Variants in DCAF6 observed in about 807,000 individuals in gnomAD.
DCAF6 encodes the protein DDB1 and CUL4 associated factor 6.
DCAF6 carries 54 observed loss-of-function variants against 125.1 expected under a neutral mutation model. That is an observed-to-expected ratio of 0.43 (90% CI 0.35 to 0.54). The LOEUF is 0.54. Among genes scored for constraint, DCAF6 ranks in the 20% least tolerant of loss-of-function variants. The pLI, the probability that DCAF6 is intolerant of heterozygous loss-of-function variation, is 0.01. For missense variants in DCAF6, 934 were observed against 1,161.7 expected (o/e 0.80, Z 2.85); for synonymous variants, 371 against 390.4 (o/e 0.95, Z 0.58).
At chr1:167,981,886 A>G (rs1679218195) in intron 4 of DCAF6, among the ~76,000 whole-genome samples, 1 of 152,234 alleles carries the variant, frequency 6.6e-6, no homozygotes. Context: ...TCTTTTGGAT[A>G]TATACCCAGG....
At chr1:168,032,134 T>C (rs1355244878) in intron 12 of DCAF6, among the ~76,000 whole-genome samples, 1 of 152,236 alleles carries the variant, frequency 6.6e-6, no homozygotes, top group East Asian at 1.9e-4. Flanking sequence ...TTTGACTGAA[T>C]GTTAAAAAGA....
chr1:168,048,044 G>A (rs1689365021), intron 16 of DCAF6, among the ~76,000 whole-genome samples: 1 of 152,082 alleles, frequency 6.6e-6, no homozygotes, highest in Non-Finnish European at 1.5e-5. Flanking sequence ...GAAAGTTTAA[G>A]AGATTTTGCT....
the DCAF6 span, among the ~76,000 whole-genome samples, chr1:167,925,454 T>TATATATATATATATATATACATATAC: frequency 9.6e-5 from 11 of 114,706 alleles, no homozygotes; most frequent in African/African-American, 2.5e-4. Context: ...TATATATATA[T>TATATATATATATATATATACATATAC]ATATATATAT....
chr1:167,924,668 T>G, the DCAF6 span: 1 of 605,862 alleles, frequency 1.7e-6, no homozygotes, highest in Non-Finnish European at 2.8e-6. Context: ...ACTATGCTTT[T>G]TGCATACTTT....
At position 168,045,155 on chromosome 1, in the gene DCAF6, A is replaced by C. The variant is rs765176243; in HGVS notation, c.2186A>C (p.Gln729Pro). 6 of 1,614,016 alleles carry C rather than the reference A, an allele frequency of 3.7e-6. No individual in the cohort carries two copies. Among genetic ancestry groups the C allele is most frequent in the Non-Finnish European group, 5.1e-6 (6 of 1,179,930 alleles). The change falls in exon 16 of 22, where the codon CAG becomes CCG. Residue 729 changes from glutamine to proline, a missense_variant. This residue lies in a region of DCAF6 where 559 missense variants were observed against 635.5 expected (regional missense o/e 0.88). Transcript: ENST00000367840. ...ACATCCACCAGGGACTCTGCTCTTCAGGACACAGATGACAGTGATGATGAC... is the reference window on the plus strand; with the variant it reads ...ACATCCACCAGGGACTCTGCTCTTCCGGACACAGATGACAGTGATGATGAC... ...EETSTRDSAL[Q>P]DTDDSDDDPV...
intron 3 of DCAF6, among the ~76,000 whole-genome samples, chr1:167,968,218 A>C (rs540919971): frequency 1.3e-5 from 2 of 152,222 alleles, no homozygotes; most frequent in Non-Finnish European, 2.9e-5. Flanking sequence ...ATTACTACCT[A>C]TATCAGGAGA....
At chr1:168,013,026 G>T (rs1272345234) in intron 10 of DCAF6, among the ~76,000 whole-genome samples, 2 of 152,112 alleles carry the variant, frequency 1.3e-5, no homozygotes, top group Non-Finnish European at 1.5e-5. Context: ...AGCAAAATTT[G>T]ACATATATGG....
chr1:167,903,915 G>A, the DCAF6 span: 1 of 1,613,414 alleles, frequency 6.2e-7, no homozygotes, highest in Non-Finnish European at 8.5e-7. Context: ...TGTGGTAGTT[G>A]AGGATCTCCA....
At position 168,044,556 on chromosome 1, in the gene DCAF6, G is replaced by A. The variant is rs189677945; in HGVS notation, c.1844-29G>A. Reference sequence around the variant, plus strand: ...AGAACTAATCCCTCATGGATACCAAGGGATGACTGTAATTTGGTTTACTTA... The same window carrying A: ...AGAACTAATCCCTCATGGATACCAAAGGATGACTGTAATTTGGTTTACTTA... On this transcript the variant is annotated intron_variant, in intron 14 of 21. Transcript: ENST00000367840. 8 of 1,532,496 alleles carry A rather than the reference G, an allele frequency of 5.2e-6. No individual in the cohort carries two copies. In the Admixed American group the frequency reaches 1.2e-4, roughly 23 times the overall value. The allele number at this position is 1,532,496 out of a possible 1,614,324, so 94.9% of individuals were successfully genotyped here.
At chr1:168,048,947 T>C (rs996230500) in intron 16 of DCAF6, among the ~76,000 whole-genome samples, 1 of 152,228 alleles carries the variant, frequency 6.6e-6, no homozygotes, top group Non-Finnish European at 1.5e-5. Flanking sequence ...GAAATCAAAC[T>C]ATAGTCTGTG....
intron 14 of DCAF6, 139 bp from the exon 15 acceptor site, chr1:168,044,446 G>T: frequency 1.5e-6 from 1 of 651,974 alleles, no homozygotes; most frequent in East Asian, 2.6e-5. Context: ...TATAAGGAAG[G>T]GTATGCATAG....
At chr1:167,931,935 ATTTAGAC>A (rs1670923694), upstream of DCAF6, among the ~76,000 whole-genome samples, 1 of 152,322 alleles carries the variant, frequency 6.6e-6, no homozygotes, top group East Asian at 1.9e-4. Flanking sequence ...TATTATTCTT[ATTTAGAC>A]TTTAAAGTAA....
chr1:167,986,545 A>G (rs995881793), intron 4 of DCAF6, among the ~76,000 whole-genome samples: 2 of 152,166 alleles, frequency 1.3e-5, no homozygotes, highest in South Asian at 2.1e-4. Context: ...ACAGGAGACA[A>G]TTTTTCCATG....
intron 17 of DCAF6, among the ~76,000 whole-genome samples, chr1:168,051,815 A>G (rs1394895076): frequency 6.6e-6 from 1 of 151,826 alleles, no homozygotes. Context: ...TGTTGTTTCT[A>G]GCCTGTTTTA....
intron 18 of DCAF6, 67 bp from the exon 19 acceptor site, chr1:168,065,523 G>C: frequency 9.1e-7 from 1 of 1,097,878 alleles, no homozygotes; most frequent in Non-Finnish European, 1.3e-6. Flanking sequence ...AAAAATGTAA[G>C]AGTAGCATAA....
chr1:168,014,623 C>A (rs929600802), intron 10 of DCAF6, among the ~76,000 whole-genome samples: 1 of 152,174 alleles, frequency 6.6e-6, no homozygotes, highest in Non-Finnish European at 1.5e-5. Context: ...TGTTCCCTGC[C>A]GTAATAAATT....
At chr1:167,886,923 C>T in the DCAF6 span, among the ~76,000 whole-genome samples, 43,293 of 152,152 alleles carry the variant, frequency 0.28, 6,302 homozygotes, top group Middle Eastern at 0.4. Flanking sequence ...GACATTTATG[C>T]AGCCAACAGA....
chr1:167,968,534 G>A (rs566024851), intron 3 of DCAF6: 2 of 152,416 alleles, frequency 1.3e-5, no homozygotes, highest in South Asian at 2.1e-4. Context: ...CTCATCAGAG[G>A]TAGTATGCTA....
chr1:168,024,004 C>CAGAAATTT (rs1403908806), intron 12 of DCAF6: 2 of 151,736 alleles, frequency 1.3e-5, no homozygotes, highest in Non-Finnish European at 2.9e-5. Context: ...CACTTGAACC[C>CAGAAATTT]AGAAATTTGA....
Sources: allele counts gnomAD v4.1 joint callset (sites outside exome capture counted in the v4.1 genomes callset), GRCh38; gene constraint gnomAD v4.1.1; regional missense constraint gnomAD v4.1.1; transcripts MANE v1.5; gene names NCBI Gene and HGNC (gene_info 2026-07-23, HGNC 2026-07-21).